DPP10: variants seen among roughly 807,000 people sequenced by gnomAD.
DPP10 encodes dipeptidyl peptidase like 10, also known as inactive dipeptidyl peptidase 10.
A neutral mutation model predicts 120.9 loss-of-function variants in DPP10; 33 were observed. That is an observed-to-expected ratio of 0.27 (90% CI 0.21 to 0.37). DPP10 has a LOEUF of 0.37. Ranked by LOEUF, DPP10 falls within the 10% of genes least tolerant of loss-of-function variation. The pLI is 1.00. For synonymous variants in DPP10, 337 were observed against 326.1 expected, an observed-to-expected ratio of 1.03 and a Z score of -0.36; for missense variants, 816 against 942.8, an observed-to-expected ratio of 0.87 and a Z score of 1.76.
At chr2:114,961,217 G>C (rs1379387025) in intron 1 of DPP10, among the ~76,000 whole-genome samples, 1 of 151,842 alleles carries the variant, frequency 6.6e-6, no homozygotes, top group Non-Finnish European at 1.5e-5. Flanking sequence ...ACCATGCTCA[G>C]CTAATTTTGT....
chr2:115,402,694 A>C (rs1471069224), intron 3 of DPP10, among the ~76,000 whole-genome samples: 1 of 151,188 alleles, frequency 6.6e-6, no homozygotes, highest in South Asian at 2.1e-4. Context: ...GGACGGCTTC[A>C]CTGCTACATT....
intron 1 of DPP10, among the ~76,000 whole-genome samples, chr2:115,267,191 C>G (rs1034558259): frequency 1.3e-5 from 2 of 152,130 alleles, no homozygotes; most frequent in Non-Finnish European, 2.9e-5. Context: ...ATTTTAGAAG[C>G]AAATCATGCT....
intron 1 of DPP10, among the ~76,000 whole-genome samples, chr2:114,522,482 A>T (rs1685152819): frequency 6.6e-6 from 1 of 152,228 alleles, no homozygotes; most frequent in Non-Finnish European, 1.5e-5. Context: ...GAATCTATAT[A>T]TACTTAGAGA....
intron 5 of DPP10, among the ~76,000 whole-genome samples, chr2:115,687,090 G>A (rs2091031699): frequency 6.6e-6 from 1 of 152,146 alleles, no homozygotes; most frequent in Admixed American, 6.6e-5. Context: ...GAAGGAGAGA[G>A]AAAGAGATGC....
At chr2:115,524,284 G>A (rs1481762295) in intron 4 of DPP10, among the ~76,000 whole-genome samples, 2 of 152,128 alleles carry the variant, frequency 1.3e-5, no homozygotes, top group Non-Finnish European at 1.5e-5. Flanking sequence ...ACAAATGTGA[G>A]GGTTCTCATT....
At chr2:115,742,300 A>T (rs751458847) in intron 9 of DPP10, among the ~76,000 whole-genome samples, 10 of 152,128 alleles carry the variant, frequency 6.6e-5, no homozygotes, top group Admixed American at 2.6e-4. Context: ...GAATCCAAAC[A>T]TCTCCTTGTC....
intron 1 of DPP10, among the ~76,000 whole-genome samples, chr2:115,211,321 T>G (rs2056495754): frequency 6.6e-6 from 1 of 151,750 alleles, no homozygotes; most frequent in African/African-American, 2.4e-5. Flanking sequence ...TCATATGGCC[T>G]AAACCAAAAT....
intron 1 of DPP10, among the ~76,000 whole-genome samples, chr2:114,501,222 T>C (rs72951806): frequency 0.048 from 7,242 of 152,242 alleles, 248 homozygotes; most frequent in African/African-American, 0.092. Context: ...TTGTCTCAGC[T>C]GGCACCTCCT....
intron 1 of DPP10, among the ~76,000 whole-genome samples, chr2:114,670,619 A>G (rs953630574): frequency 6.6e-6 from 1 of 152,182 alleles, no homozygotes; most frequent in Non-Finnish European, 1.5e-5. Flanking sequence ...AGCATGACAC[A>G]TGTATACATA....
At chr2:115,013,196 A>T (rs1702385898) in intron 1 of DPP10, among the ~76,000 whole-genome samples, 1 of 152,140 alleles carries the variant, frequency 6.6e-6, no homozygotes, top group African/African-American at 2.4e-5. Flanking sequence ...CCTGGTGGTG[A>T]CAAAATCTCT....
intron 3 of DPP10, among the ~76,000 whole-genome samples, chr2:115,494,836 G>GT (rs1246102855): frequency 6.6e-6 from 1 of 152,010 alleles, no homozygotes; most frequent in Non-Finnish European, 1.5e-5. Flanking sequence ...ATTTGCCAGA[G>GT]TTTTTTCTAC....
chr2:115,515,251 G>A (rs1321401520), intron 4 of DPP10, among the ~76,000 whole-genome samples: 1 of 151,884 alleles, frequency 6.6e-6, no homozygotes, highest in Non-Finnish European at 1.5e-5. Flanking sequence ...CCAGTGTATT[G>A]GTGAGTCAAA....
chr2:115,210,241 G>C (rs947721325), intron 1 of DPP10, among the ~76,000 whole-genome samples: 2 of 151,952 alleles, frequency 1.3e-5, no homozygotes, highest in African/African-American at 4.8e-5. Context: ...TCATTGTTCA[G>C]TTCTCACCTA....
chr2:114,542,922 A>G (rs996986678), intron 1 of DPP10, among the ~76,000 whole-genome samples: 2 of 152,078 alleles, frequency 1.3e-5, no homozygotes, highest in African/African-American at 2.4e-5. Flanking sequence ...TCCTTCCCCA[A>G]TCATGCCTGA....
At chr2:114,854,738 AG>A (rs1689239935) in intron 1 of DPP10, among the ~76,000 whole-genome samples, 1 of 152,238 alleles carries the variant, frequency 6.6e-6, no homozygotes, top group African/African-American at 2.4e-5. Context: ...GAATAGAATT[AG>A]GTACTGGCTA....
In DPP10 at chr2:115,213,714, G is replaced by T. The variant is rs75249820; in HGVS notation, c.61-95525G>T. ...TATTTATGTTTACTAATATGCATATGCTTAATCCCAAATGATACTAATATG... is the reference window on the plus strand; with the variant it reads ...TATTTATGTTTACTAATATGCATATTCTTAATCCCAAATGATACTAATATG... On this transcript the variant is annotated intron_variant, in intron 1 of 25. Transcript: ENST00000410059. 4.9e-4 allele frequency among the ~76,000 whole-genome samples: 74 copies of T among 152,166 alleles called. No homozygotes were observed. In the East Asian group the frequency reaches 0.014, roughly 28 times the overall value.
chr2:115,214,225 T>G (rs2056682352), intron 1 of DPP10, among the ~76,000 whole-genome samples: 1 of 152,176 alleles, frequency 6.6e-6, no homozygotes, highest in African/African-American at 2.4e-5. Flanking sequence ...CAAGTCAATG[T>G]AAGGAATGAA....
At chr2:114,751,688 G>A (rs1020784399) in intron 1 of DPP10, among the ~76,000 whole-genome samples, 3 of 152,108 alleles carry the variant, frequency 2.0e-5, no homozygotes, top group South Asian at 2.1e-4. Flanking sequence ...CAGGTGCTTC[G>A]GGCTCCTGGG....
chr2:115,222,744 A>G (rs1331622197), intron 1 of DPP10, among the ~76,000 whole-genome samples: 12 of 152,182 alleles, frequency 7.9e-5, no homozygotes, highest in Admixed American at 2.0e-4. Context: ...AAAAAAGCAA[A>G]TAAAATGGTC....
Sources: allele counts gnomAD v4.1 joint callset (sites outside exome capture counted in the v4.1 genomes callset), GRCh38; gene constraint gnomAD v4.1.1; transcripts MANE v1.5; gene names NCBI Gene and HGNC (gene_info 2026-07-23, HGNC 2026-07-21).